The following COL4A3 variants were observed in gnomAD, a reference collection of about 807,000 sequenced individuals.
COL4A3 encodes the protein collagen type IV alpha 3 chain.
In COL4A3, 135 loss-of-function variants were observed where a neutral mutation model predicts 217.4. The observed-to-expected ratio is 0.62, with a 90% confidence interval of 0.54 to 0.72. COL4A3 has a LOEUF of 0.72. COL4A3 is among the 30% of genes least tolerant of loss of function. The pLI is 0.00. For synonymous variants in COL4A3, 690 were observed against 736.3 expected, an observed-to-expected ratio of 0.94 and a Z score of 1.02; for missense variants, 1,868 against 2,119.9, an observed-to-expected ratio of 0.88 and a Z score of 2.33.
intron 3 of COL4A3, among the ~76,000 whole-genome samples, chr2:227,242,262 T>C (rs1196355055): frequency 6.6e-6 from 1 of 152,158 alleles, no homozygotes; most frequent in African/African-American, 2.4e-5. Context: ...ATAGAACTCA[T>C]GGGAACATTT....
intron 1 of COL4A3, among the ~76,000 whole-genome samples, chr2:227,203,189 A>G (rs1205684782): frequency 3.4e-5 from 1 of 29,596 alleles, no homozygotes; most frequent in African/African-American, 1.7e-4. Flanking sequence ...ATATGTGTGT[A>G]TATATACATA....
intron 1 of COL4A3, among the ~76,000 whole-genome samples, chr2:227,235,795 T>TTCAC (rs1559852634): frequency 7.2e-6 from 1 of 138,002 alleles, no homozygotes; most frequent in Non-Finnish European, 1.5e-5. Flanking sequence ...TTTTTTTTAA[T>TTCAC]GGAGTTTTGC....
chr2:227,262,635 T>TTG (rs1185211326), intron 20 of COL4A3, among the ~76,000 whole-genome samples: 5 of 152,262 alleles, frequency 3.3e-5, no homozygotes, highest in Admixed American at 6.5e-5. Context: ...AGGTATTTTA[T>TTG]TGTGTGTGTG....
At chr2:227,205,092 T>C (rs578142947) in intron 1 of COL4A3, among the ~76,000 whole-genome samples, 7 of 152,206 alleles carry the variant, frequency 4.6e-5, no homozygotes, top group Non-Finnish European at 8.8e-5. Flanking sequence ...ATGTGGTTAC[T>C]TTACAAAAAA....
intron 1 of COL4A3, among the ~76,000 whole-genome samples, chr2:227,229,770 C>T (rs1032263663): frequency 6.6e-6 from 1 of 152,076 alleles, no homozygotes; most frequent in East Asian, 1.9e-4. Flanking sequence ...ATTTCCCGGC[C>T]GGGCGCGGTG....
At chr2:227,278,506 C>T (rs2071730103) in intron 28 of COL4A3, among the ~76,000 whole-genome samples, 1 of 152,110 alleles carries the variant, frequency 6.6e-6, no homozygotes, top group Non-Finnish European at 1.5e-5. Flanking sequence ...ATTAATTTTG[C>T]CCAAATATGA....
In COL4A3 at chr2:227,277,387, T is replaced by C. The variant is rs534093279; in HGVS notation, c.2021-62T>C. On this transcript the variant is annotated intron_variant, in intron 27 of 51. Transcript: ENST00000396578. ...CGACACAGAGAACTTAGACATTTTC[T>C]TTTAAAATAAGATGAAGGAAAGTTG... 167 of 1,052,876 alleles carry C rather than the reference T, an allele frequency of 1.6e-4. No homozygotes were observed. In the South Asian group the frequency reaches 2.1e-3, roughly 13 times the overall value. The allele number at this position is 1,052,876 out of a possible 1,614,324, so 65.2% of individuals were successfully genotyped here.
At chr2:227,286,777 A>C (rs2072354825) in intron 34 of COL4A3, among the ~76,000 whole-genome samples, 2 of 152,194 alleles carry the variant, frequency 1.3e-5, no homozygotes, top group Admixed American at 1.3e-4. Flanking sequence ...CTTGGCTTAA[A>C]ATCTTTCCAA....
intron 14 of COL4A3, 43 bp from the exon 15 acceptor site, chr2:227,254,613 A>G (rs1437640221): frequency 7.0e-7 from 1 of 1,430,440 alleles, no homozygotes; most frequent in Admixed American, 1.7e-5. Context: ...TAAGTAAAAA[A>G]ATCAGTAATT....
At chr2:227,290,166 T>C (rs2072597697) in intron 36 of COL4A3, 78 bp downstream of exon 36, 2 of 1,424,424 alleles carry the variant, frequency 1.4e-6, no homozygotes, top group Admixed American at 1.7e-5. Context: ...TGTGTACTGT[T>C]TTGGTTTTCC....
intron 11 of COL4A3, among the ~76,000 whole-genome samples, chr2:227,252,913 C>T (rs1258879695): frequency 6.6e-6 from 1 of 152,068 alleles, no homozygotes; most frequent in Non-Finnish European, 1.5e-5. Context: ...TTTCAGAATC[C>T]TGAAATGCAG....
rs760637313 is a variant in COL4A3 at position 227,240,230 on chromosome 2, A to G, written c.232A>G (p.Lys78Glu). 1.2e-6 allele frequency: 2 copies of G among 1,608,592 alleles called. No homozygotes were observed. Among genetic ancestry groups the G allele is most frequent in the Non-Finnish European group, 8.5e-7 (1 of 1,177,610 alleles). The change falls in exon 3 of 52, where the codon AAG becomes GAG. Residue 78 changes from lysine to glutamate, a missense_variant and splice_region_variant. Coordinates refer to ENST00000396578, the MANE Select transcript of COL4A3 (RefSeq NM_000091.5). ...AGGCTTGCCTGGACCGCAGGGACCC[A>G]AGGTATGTCATCCTGCAAGCTTGGA... The part of the protein sequence containing the change: ...PEGLPGPQGP[K>E]GFPGLPGLTG...
chr2:227,164,789 G>T lies in COL4A3; in HGVS notation c.63G>T (p.Leu21=). ...VLLLPLLLVL[L]AAAPAASKGC... is the part of the protein sequence containing the mutation. ...TGCTGCCGCTCCTGCTGGTGCTCCT[G>T]GCGGCGGCGCCCGCAGCCAGCAAGG... The change falls in exon 1 of 52, where the codon CTG becomes CTT. Residue 21 remains leucine, a synonymous_variant. Transcript: ENST00000396578. The surrounding 1 kb of genome is among the most constrained non-coding windows in gnomAD (Gnocchi z 4.8). 1 of 1,519,936 alleles carries T rather than the reference G, an allele frequency of 6.6e-7. No homozygotes were observed. Among genetic ancestry groups the T allele is most frequent in the Non-Finnish European group, 8.8e-7 (1 of 1,140,876 alleles). 94.2% of individuals were successfully genotyped at this position (1,519,936 alleles called of 1,614,324 possible). A position where few individuals can be genotyped will look rare whatever the true frequency, so the allele number is the denominator to read the frequency against.
intron 1 of COL4A3, among the ~76,000 whole-genome samples, chr2:227,229,412 T>C (rs6722555): frequency 0.32 from 48,747 of 152,126 alleles, 8,249 homozygotes; most frequent in Non-Finnish European, 0.36. Context: ...TTAACAAATA[T>C]GAGTTAATTC....
chr2:227,310,727 T>C (rs768851532), intron 50 of COL4A3, 49 bp from the exon 51 acceptor site: 1 of 1,538,446 alleles, frequency 6.5e-7, no homozygotes, highest in Admixed American at 1.7e-5. Flanking sequence ...ATTGAAAATT[T>C]GAACCCCAAT....
chr2:227,184,803 T>A (rs2065965654), intron 1 of COL4A3, among the ~76,000 whole-genome samples: 1 of 112,990 alleles, frequency 8.9e-6, no homozygotes, highest in Non-Finnish European at 1.9e-5. Flanking sequence ...AAGACTCATC[T>A]TTTTTTCATT....
In COL4A3 at chr2:227,256,340, T is replaced by C. The variant is rs1559872441; in HGVS notation, c.934-3T>C. 1.2e-6 allele frequency: 2 copies of C among 1,613,586 alleles called. No homozygotes were observed. Among genetic ancestry groups the C allele is most frequent in the Non-Finnish European group, 1.7e-6 (2 of 1,179,554 alleles). ...ACCCATTTCTTTTTGTTCTTTTCTT[T>C]AGGGAGTCAAGGGCAACAGGGGTTT... On this transcript the variant is annotated splice_region_variant and splice_polypyrimidine_tract_variant and intron_variant, in intron 16 of 51. Coordinates refer to ENST00000396578, the MANE Select transcript of COL4A3 (RefSeq NM_000091.5).
At chr2:227,279,944 C>T in intron 29 of COL4A3, 54 bp downstream of exon 29, 1 of 1,248,436 alleles carries the variant, frequency 8.0e-7, no homozygotes, top group Non-Finnish European at 1.2e-6. Context: ...CATTAACTGG[C>T]CAGTTTGTAT....
At chr2:227,292,954 T>C (rs1188304962) in intron 37 of COL4A3, among the ~76,000 whole-genome samples, 1 of 152,204 alleles carries the variant, frequency 6.6e-6, no homozygotes, top group Non-Finnish European at 1.5e-5. Flanking sequence ...CGCTATGCTG[T>C]TGCTGTCTTG....
Sources: allele counts gnomAD v4.1 joint callset (sites outside exome capture counted in the v4.1 genomes callset), GRCh38; gene constraint gnomAD v4.1.1; non-coding constraint Gnocchi (gnomAD v3.1); transcripts MANE v1.5; gene names NCBI Gene and HGNC (gene_info 2026-07-23, HGNC 2026-07-21).